The following DOCK2 variants were observed in gnomAD, a reference collection of about 807,000 sequenced individuals.
DOCK2 encodes dedicator of cytokinesis protein 2.
A neutral mutation model predicts 248.9 loss-of-function variants in DOCK2; 87 were observed. That is an observed-to-expected ratio of 0.35 (90% CI 0.29 to 0.42). The LOEUF (loss-of-function observed/expected upper bound fraction) is 0.42. DOCK2 is among the 10% of genes least tolerant of loss of function. DOCK2 has a pLI of 1.00. For missense variants in DOCK2, 1,747 were observed against 2,300.2 expected (o/e 0.76, Z 4.92); for synonymous variants, 805 against 821.6 (o/e 0.98, Z 0.35).
chr5:169,681,634 T>TCA, intron 6 of DOCK2, 110 bp from the exon 7 acceptor site: 1 of 1,375,060 alleles, frequency 7.3e-7, no homozygotes, highest in Non-Finnish European at 1.0e-6. Context: ...AGCTCTTCTA[T>TCA]GTGACTATAT....
Position 170,056,765 on chromosome 5 carries a change from T to C in DOCK2, c.4377T>C (p.Phe1459=). The change falls in exon 43 of 52, where the codon TTT becomes TTC. Residue 1459 remains phenylalanine (F), a synonymous_variant. Transcript: ENST00000520908. ...RRGTVDPENE[F]ASMWIERTSF... Reference sequence around the variant, plus strand: ...GGACCGTAGACCCAGAGAATGAGTTTGCTGTGAGTATCTTCCCTACCCTTG... The same window carrying C: ...GGACCGTAGACCCAGAGAATGAGTTCGCTGTGAGTATCTTCCCTACCCTTG... The C allele has an allele frequency of 6.2e-7, 1 of 1,613,494 alleles. No homozygotes were observed. The highest frequency in any genetic ancestry group is 8.5e-7 in the Non-Finnish European group (1 of 1,179,684).
chr5:169,884,879 T>G (rs1772875852), intron 27 of DOCK2: 1 of 152,178 alleles, frequency 6.6e-6, no homozygotes, highest in East Asian at 1.9e-4. Flanking sequence ...GGATTTCTCT[T>G]CAAATTCTAA....
intron 27 of DOCK2, among the ~76,000 whole-genome samples, chr5:169,959,846 T>C (rs1478403996): frequency 6.6e-6 from 1 of 152,030 alleles, no homozygotes; most frequent in Admixed American, 6.6e-5. Flanking sequence ...AATACAACAA[T>C]AGGATGGAAA....
intron 2 of DOCK2, among the ~76,000 whole-genome samples, chr5:169,658,580 C>T (rs1758261577): frequency 6.6e-6 from 1 of 151,282 alleles, no homozygotes; most frequent in Admixed American, 6.6e-5. Flanking sequence ...TTTTATCTCT[C>T]TGTCATTCTA....
At position 169,693,343 on chromosome 5, in the gene DOCK2, C is replaced by A. The variant is rs568185560; in HGVS notation, c.844-2460C>A. ...AAAGAAATCTTTGTGACAAAAATAACCTACTTATATTCAGAGAGTCATGGG... is the reference window on the plus strand; with the variant it reads ...AAAGAAATCTTTGTGACAAAAATAAACTACTTATATTCAGAGAGTCATGGG... On this transcript the variant is annotated intron_variant, in intron 9 of 51. Coordinates refer to ENST00000520908, the MANE Select transcript of DOCK2 (RefSeq NM_004946.3). Among the ~76,000 whole-genome samples, 3 of 152,180 alleles carry A rather than the reference C, an allele frequency of 2.0e-5. No individual in the cohort carries two copies. The South Asian group carries it at 6.2e-4, about 32-fold the overall frequency.
intron 33 of DOCK2, among the ~76,000 whole-genome samples, chr5:170,019,625 G>T (rs1454779521): frequency 3.3e-4 from 50 of 152,168 alleles, no homozygotes; most frequent in Non-Finnish European, 7.4e-5. Context: ...CCTCAGCATG[G>T]AGGGCGCCAG....
chr5:170,075,759 C>A (rs899886305), intron 46 of DOCK2, 188 bp from the exon 47 acceptor site: 4 of 732,802 alleles, frequency 5.5e-6, no homozygotes, highest in Non-Finnish European at 6.6e-6. Context: ...CTTTCCAGAG[C>A]AAACCTCATG....
chr5:169,833,543 G>A (rs1220443597), intron 26 of DOCK2, among the ~76,000 whole-genome samples: 5 of 152,176 alleles, frequency 3.3e-5, no homozygotes, highest in Non-Finnish European at 7.3e-5. Context: ...TGAAGGAAAG[G>A]AAGGAGCTCA....
At chr5:169,662,104 C>T (rs1758478731) in intron 2 of DOCK2, among the ~76,000 whole-genome samples, 1 of 152,144 alleles carries the variant, frequency 6.6e-6, no homozygotes, top group Admixed American at 6.5e-5. Context: ...CCCCTTTTTC[C>T]ACACCCTCGC....
chr5:169,930,984 C>G (rs909646332), intron 27 of DOCK2, among the ~76,000 whole-genome samples: 1 of 152,206 alleles, frequency 6.6e-6, no homozygotes. Flanking sequence ...ACAGCCATGG[C>G]AGGTACTCAT....
intron 27 of DOCK2, chr5:169,883,760 T>G (rs1772810077): frequency 3.2e-6 from 5 of 1,551,500 alleles, no homozygotes; most frequent in Non-Finnish European, 4.4e-6. Flanking sequence ...CCAGTTGGAT[T>G]CTTAGTGGTC....
At chr5:169,804,688 A>C (rs928750474) in intron 26 of DOCK2, among the ~76,000 whole-genome samples, 2 of 152,200 alleles carry the variant, frequency 1.3e-5, no homozygotes, top group Non-Finnish European at 2.9e-5. Context: ...TTTAGAGATG[A>C]AAAACCTGAA....
At position 169,788,515 on chromosome 5, in the gene DOCK2, C is replaced by A. The variant is rs115556097; in HGVS notation, c.2555-14543C>A. Among the ~76,000 whole-genome samples, 1,038 of 152,236 alleles carry A rather than the reference C, an allele frequency of 6.8e-3. 16 individuals carry two copies. Among genetic ancestry groups the A allele is most frequent in the African/African-American group, 0.024 (1,005 of 41,548 alleles). On this transcript the variant is annotated intron_variant, in intron 25 of 51. Coordinates refer to ENST00000520908, the MANE Select transcript of DOCK2 (RefSeq NM_004946.3). ...CATTAAAACACAATATGAAAAATTTCTTTAAGAATTTCGTGCCAGAAAAAG... is the reference window on the plus strand; with the variant it reads ...CATTAAAACACAATATGAAAAATTTATTTAAGAATTTCGTGCCAGAAAAAG...
chr5:169,795,840 TAC>T lies in DOCK2; in HGVS notation c.2555-7214_2555-7213del, dbSNP rs1479550950. 2.0e-5 allele frequency among the ~76,000 whole-genome samples: 3 copies of T among 152,282 alleles called. No individual in the cohort carries two copies. The East Asian group carries it at 5.8e-4, about 29-fold the overall frequency. ...GCCTGGGAGAATTTTGGGTTTCAAT[TAC>T]ACAGGGAGGGCAGGGTGAGCTGTGA... is the stretch of plus-strand genomic sequence containing the variant. On this transcript the variant is annotated intron_variant, in intron 25 of 51. Transcript: ENST00000520908.
chr5:169,890,369 G>A (rs1189739831), intron 27 of DOCK2, among the ~76,000 whole-genome samples: 1 of 152,150 alleles, frequency 6.6e-6, no homozygotes, highest in Non-Finnish European at 1.5e-5. Flanking sequence ...TTCAAAGTTT[G>A]TTTTCCTTCC....
At chr5:169,678,651 AG>A (rs1759479106) in intron 6 of DOCK2, among the ~76,000 whole-genome samples, 1 of 152,194 alleles carries the variant, frequency 6.6e-6, no homozygotes, top group South Asian at 2.1e-4. Flanking sequence ...TTTGAACGGC[AG>A]GTGATTTTGC....
intron 50 of DOCK2, chr5:170,081,172 A>T (rs945335549): frequency 1.3e-5 from 2 of 152,548 alleles, no homozygotes; most frequent in African/African-American, 4.8e-5. Context: ...GCAGAGACTG[A>T]GTTCAGACCC....
At chr5:169,790,606 C>A (rs1199808917) in intron 25 of DOCK2, among the ~76,000 whole-genome samples, 1 of 152,200 alleles carries the variant, frequency 6.6e-6, no homozygotes, top group Non-Finnish European at 1.5e-5. Context: ...CTGGACCAGG[C>A]ATTTGTAAAA....
intron 23 of DOCK2, among the ~76,000 whole-genome samples, chr5:169,752,603 A>G (rs1303658872): frequency 2.0e-5 from 3 of 151,388 alleles, no homozygotes; most frequent in Non-Finnish European, 4.4e-5. Context: ...AAAATTAGCT[A>G]GGCATGGGGG....
Sources: gnomAD v4.1 joint callset for allele counts (sites outside exome capture counted in the v4.1 genomes callset) on GRCh38, gnomAD v4.1.1 for gene constraint, MANE v1.5 for transcripts, NCBI Gene and HGNC (gene_info 2026-07-23, HGNC 2026-07-21) for gene names.